The following MTRR variants were observed in gnomAD, a reference collection of about 807,000 sequenced individuals.
MTRR encodes the protein 5-methyltetrahydrofolate-homocysteine methyltransferase reductase.
In MTRR, 63 loss-of-function variants were observed where a neutral mutation model predicts 79.2. The observed-to-expected ratio is 0.80, with a 90% CI of 0.65 to 0.98. The LOEUF is 0.98. Ranked by LOEUF, MTRR falls within the 50% of genes least tolerant of loss-of-function variation. MTRR has a pLI of 0.00. For synonymous variants in MTRR, 355 were observed against 313.3 expected, an observed-to-expected ratio of 1.13 and a Z score of -1.41; for missense variants, 895 against 839.6, an observed-to-expected ratio of 1.07 and a Z score of -0.82.
upstream of MTRR, among the ~76,000 whole-genome samples, chr5:7,865,373 T>G (rs1370631572): frequency 6.6e-6 from 1 of 152,136 alleles, no homozygotes; most frequent in Non-Finnish European, 1.5e-5. Flanking sequence ...AATGTCATAG[T>G]CTGGTGTGCT....
chr5:7,873,599 A>G, intron 3 of MTRR, 73 bp downstream of exon 3: 2 of 1,526,340 alleles, frequency 1.3e-6, no homozygotes, highest in Non-Finnish European at 1.8e-6. Flanking sequence ...ATCTTTCAGA[A>G]CTATGAAGTG....
chr5:7,878,247 C>T lies in MTRR; in HGVS notation c.705C>T (p.Leu235=). The T allele has an allele frequency of 6.2e-7, 1 of 1,614,214 alleles. No individual in the cohort carries two copies. Among genetic ancestry groups the T allele is most frequent in the Non-Finnish European group, 8.5e-7 (1 of 1,180,038 alleles). Residue 235 remains leucine (L), a synonymous_variant, in exon 5 of 15, where the codon CTC becomes CTT. Transcript: ENST00000440940. The part of the protein sequence containing the change: ...ESSLTRSVPP[L]SQASLNIPGL... ...CACTTACCCGTTCGGTACCCCCACT[C>T]TCACAAGCCTCTCTGAATATTCCTG...
In MTRR at chr5:7,878,148, G is replaced by C. The variant is rs368030155; in HGVS notation, c.606G>C (p.Lys202Asn). 1.2e-6 allele frequency: 2 copies of C among 1,614,124 alleles called. No individual in the cohort carries two copies. Among genetic ancestry groups the C allele is most frequent in the Admixed American group, 1.7e-5 (1 of 60,018 alleles). ...ELLRFDDSGR[K>N]DSEVLKQNAV... ...TGAGATTCGATGATTCAGGAAGAAA[G>C]GATTCTGAGGTTTTGAAGCAAAATG... The change falls in exon 5 of 15, where the codon AAG (lysine) becomes AAC (asparagine). Residue 202 changes from lysine to asparagine, a missense_variant. Transcript: ENST00000440940.
intron 14 of MTRR, among the ~76,000 whole-genome samples, chr5:7,899,476 G>T (rs1739116954): frequency 6.6e-6 from 1 of 152,234 alleles, no homozygotes; most frequent in Non-Finnish European, 1.5e-5. Context: ...CAATAAAGGT[G>T]TCTGTTACTA....
chr5:7,865,426 A>C (rs768787636), upstream of MTRR, among the ~76,000 whole-genome samples: 1 of 152,212 alleles, frequency 6.6e-6, no homozygotes, highest in Non-Finnish European at 1.5e-5. Context: ...AATAGGATAA[A>C]TCTTTATAGG....
intron 4 of MTRR, among the ~76,000 whole-genome samples, chr5:7,876,588 G>A (rs982459335): frequency 6.6e-6 from 1 of 152,202 alleles, no homozygotes; most frequent in African/African-American, 2.4e-5. Context: ...CTGAAATGAA[G>A]ATATTTTCAA....
intron 11 of MTRR, among the ~76,000 whole-genome samples, chr5:7,894,891 A>G (rs1267743766): frequency 6.6e-6 from 1 of 152,242 alleles, no homozygotes; most frequent in Non-Finnish European, 1.5e-5. Flanking sequence ...TGTTAAATGA[A>G]TGAAGCAAAG....
At chr5:7,865,985 T>A, upstream of MTRR, 2 of 1,612,810 alleles carry the variant, frequency 1.2e-6, no homozygotes, top group Non-Finnish European at 1.7e-6. Context: ...ATTCTTTACC[T>A]GAAACAGAAA....
upstream of MTRR, chr5:7,867,094 A>G: frequency 6.2e-7 from 1 of 1,614,212 alleles, no homozygotes; most frequent in African/African-American, 1.3e-5. Flanking sequence ...GCTCCTCGTT[A>G]GTGAAATGTG....
At chr5:7,867,192 G>A (rs1747023658), upstream of MTRR, 13 of 1,614,020 alleles carry the variant, frequency 8.1e-6, no homozygotes, top group African/African-American at 1.3e-5. Flanking sequence ...GTGAGCATTT[G>A]GCTAATCAAT....
In MTRR at chr5:7,900,768, A is replaced by G. The variant is rs1739352013; in HGVS notation, c.*710A>G. On this transcript the variant is annotated 3_prime_UTR_variant, in exon 15 of 15. Coordinates refer to ENST00000440940, the MANE Select transcript of MTRR (RefSeq NM_002454.3). ...GGACATTTGCATTCAATTTACAGGT[A>G]CCAGTACGTACATATTTTAATAGAA... 1 of 152,684 alleles carries G rather than the reference A, an allele frequency of 6.5e-6. No homozygotes were observed. Among genetic ancestry groups the G allele is most frequent in the Non-Finnish European group, 1.5e-5 (1 of 68,100 alleles). 9.5% of individuals were successfully genotyped at this position (152,684 alleles called of 1,614,324 possible).
intron 1 of MTRR, chr5:7,856,876 G>C (rs1033289699): frequency 1.3e-5 from 2 of 150,244 alleles, no homozygotes; most frequent in African/African-American, 4.9e-5. Flanking sequence ...TCCTCACATA[G>C]AGGAAGGCAA....
intron 3 of MTRR, among the ~76,000 whole-genome samples, chr5:7,874,328 A>C (rs889030928): frequency 6.6e-6 from 1 of 152,194 alleles, no homozygotes; most frequent in Non-Finnish European, 1.5e-5. Context: ...TTGAGATTGT[A>C]ACCCTGGCAA....
chr5:7,889,305 T>TGG, intron 9 of MTRR, 30 bp downstream of exon 9: 1 of 1,611,990 alleles, frequency 6.2e-7, no homozygotes, highest in Non-Finnish European at 8.5e-7. Context: ...AGCACCTTGG[T>TGG]GGCTGTTCGT....
At position 7,889,299 on chromosome 5, in the gene MTRR, C is replaced by T. The variant is rs139730499; in HGVS notation, c.1327+24C>T. 1,613 of 1,612,136 alleles carry T rather than the reference C, an allele frequency of 1.0e-3. 5 individuals carry two copies. Among genetic ancestry groups the T allele is most frequent in the South Asian group, 3.3e-3 (303 of 90,994 alleles). ...CGGTGAGTAGTCGCTTTCACAAGCA[C>T]CTTGGTGGCTGTTCGTGCACTGGTA... On this transcript the variant is annotated intron_variant, in intron 9 of 14. Transcript: ENST00000440940.
Position 7,877,980 on chromosome 5 carries a change from C to G in MTRR, c.438C>G (p.Leu146=). ...ELVVEPWIAG[L]WPALRKHFRS... Reference sequence around the variant, plus strand: ...TGGTTGAGCCGTGGATTGCTGGACTCTGGCCAGCCCTCAGAAAGCATTTTA... The same window carrying G: ...TGGTTGAGCCGTGGATTGCTGGACTGTGGCCAGCCCTCAGAAAGCATTTTA... Residue 146 remains leucine, a synonymous_variant, in exon 5 of 15, where the codon CTC becomes CTG. Transcript: ENST00000440940. 1.2e-6 allele frequency: 2 copies of G among 1,613,484 alleles called. No individual in the cohort carries two copies. The highest frequency in any genetic ancestry group is 1.1e-5 in the South Asian group (1 of 91,044).
chr5:7,854,561 G>A (rs1369065146), intron 1 of MTRR, among the ~76,000 whole-genome samples: 1 of 152,048 alleles, frequency 6.6e-6, no homozygotes. Flanking sequence ...CTTACATGGT[G>A]GCGGCAAGAG....
chr5:7,861,530 C>T, intron 1 of MTRR: 2 of 1,288,396 alleles, frequency 1.6e-6, no homozygotes, highest in South Asian at 2.1e-5. Context: ...GATACCGCTG[C>T]TTATTAGCCT....
rs1739239900 is a variant in MTRR at position 7,900,088 on chromosome 5, T to C, written c.*30T>C. 1 of 1,610,056 alleles carries C rather than the reference T, an allele frequency of 6.2e-7. No homozygotes were observed. The highest frequency in any genetic ancestry group is 8.5e-7 in the Non-Finnish European group (1 of 1,178,794). ...AGAAATTAAAGAAAGAGGATTAAGC[T>C]TTTTTGACTGAAAGTACTAAAAGTC... is the stretch of plus-strand genomic sequence containing the variant. On this transcript the variant is annotated 3_prime_UTR_variant, in exon 15 of 15. Coordinates refer to ENST00000440940, the MANE Select transcript of MTRR (RefSeq NM_002454.3).
Sources: gnomAD v4.1 joint callset for allele counts (sites outside exome capture counted in the v4.1 genomes callset) on GRCh38, gnomAD v4.1.1 for gene constraint, MANE v1.5 for transcripts, NCBI Gene and HGNC (gene_info 2026-07-23, HGNC 2026-07-21) for gene names.